The following NRXN2 variants were observed in gnomAD, a reference collection of about 807,000 sequenced individuals.
NRXN2 encodes the protein neurexin-2-beta.
NRXN2 carries 29 observed loss-of-function variants against 128.8 expected under a neutral mutation model. That is an observed-to-expected ratio of 0.23 (90% CI 0.17 to 0.31). The LOEUF is 0.31. Ranked by LOEUF, NRXN2 falls within the 10% of genes least tolerant of loss-of-function variation. The pLI is 1.00. For synonymous variants in NRXN2, 1,098 were observed against 1,075.2 expected (o/e 1.02, Z -0.41); for missense variants, 1,881 against 2,452.6 (o/e 0.77, Z 4.92).
chr11:64,674,322 C>G (rs1349836287), intron 7 of NRXN2, among the ~76,000 whole-genome samples: 1 of 152,136 alleles, frequency 6.6e-6, no homozygotes. Flanking sequence ...TCCCGAGTAG[C>G]TGGGATTACA....
chr11:64,612,852 C>T (rs957462148), intron 22 of NRXN2, among the ~76,000 whole-genome samples: 7 of 152,250 alleles, frequency 4.6e-5, no homozygotes, highest in Non-Finnish European at 7.3e-5. Flanking sequence ...TCTATGCGGA[C>T]GTGACCCTGT....
At position 64,631,900 on chromosome 11, in the gene NRXN2, C is replaced by A. The variant is rs2043963583; in HGVS notation, c.3586-1327G>T. On this transcript the variant is annotated intron_variant, in intron 18 of 22. Transcript: ENST00000265459. The surrounding 1 kb of genome is among the most constrained non-coding windows in gnomAD (Gnocchi z 4.8). Reference sequence around the variant, plus strand: ...GAACGCGGTCTCAGCCCTCCTCCCACACGGAACAGACACTCACACAGGTTC... The same window carrying A: ...GAACGCGGTCTCAGCCCTCCTCCCAAACGGAACAGACACTCACACAGGTTC... Among the ~76,000 whole-genome samples the A allele has an allele frequency of 6.6e-6, 1 of 152,228 alleles. No homozygotes were observed. Among genetic ancestry groups the A allele is most frequent in the African/African-American group, 2.4e-5 (1 of 41,452 alleles).
chr11:64,654,256 C>T (rs1160207293), intron 11 of NRXN2, among the ~76,000 whole-genome samples: 6 of 152,176 alleles, frequency 3.9e-5, no homozygotes, highest in Non-Finnish European at 7.4e-5. Flanking sequence ...TTCCCGAGGC[C>T]ATACACCTCC....
rs1186215132 is a variant in NRXN2, at chr11:64,621,295, C to T, written c.4174-923G>A. ...GCAGTGACTCCTGGGACTCCCACCT[C>T]TCTCTTCCACCAGGATGATCTGCCC... On this transcript the variant is annotated intron_variant, in intron 21 of 22. Coordinates refer to ENST00000265459, the MANE Select transcript of NRXN2 (RefSeq NM_015080.4). 2.0e-5 allele frequency among the ~76,000 whole-genome samples: 3 copies of T among 152,178 alleles called. No homozygotes were observed. In the East Asian group the frequency reaches 5.8e-4, roughly 29 times the overall value.
At chr11:64,685,986 T>C in intron 5 of NRXN2, 39 bp from the exon 6 acceptor site, 1 of 1,610,970 alleles carries the variant, frequency 6.2e-7, no homozygotes, top group Non-Finnish European at 8.5e-7. Context: ...GAAGGCTGAA[T>C]GGGGCAGGGT....
chr11:64,638,614 C>G (rs1245563214), intron 17 of NRXN2, among the ~76,000 whole-genome samples: 1 of 152,226 alleles, frequency 6.6e-6, no homozygotes, highest in Non-Finnish European at 1.5e-5. Flanking sequence ...ACCTGACAGG[C>G]TCCAGAAAGG....
At chr11:64,674,090 G>A (rs899175965) in intron 7 of NRXN2, among the ~76,000 whole-genome samples, 2 of 151,516 alleles carry the variant, frequency 1.3e-5, no homozygotes, top group African/African-American at 4.8e-5. Context: ...TGTCACCCAG[G>A]CTAGTCTTGA....
chr11:64,616,229 C>T (rs1173912277), intron 22 of NRXN2, among the ~76,000 whole-genome samples: 2 of 152,144 alleles, frequency 1.3e-5, no homozygotes, highest in African/African-American at 4.8e-5. Flanking sequence ...GGGTTGGACA[C>T]ACATGTTGGT....
intron 3 of NRXN2, among the ~76,000 whole-genome samples, chr11:64,696,528 T>TACATACACACAC (rs147882738): frequency 7.2e-6 from 1 of 138,772 alleles, no homozygotes; most frequent in Non-Finnish European, 1.6e-5. Context: ...CATACATACA[T>TACATACACACAC]ACACACACAC....
chr11:64,689,363 C>T (rs940709440), intron 5 of NRXN2, among the ~76,000 whole-genome samples: 1 of 152,114 alleles, frequency 6.6e-6, no homozygotes, highest in Non-Finnish European at 1.5e-5. Flanking sequence ...AGCCACCGTG[C>T]CTGGCCTCAA....
chr11:64,694,358 G>A (rs2054216987), intron 3 of NRXN2, among the ~76,000 whole-genome samples: 1 of 152,240 alleles, frequency 6.6e-6, no homozygotes, highest in Admixed American at 6.5e-5. Flanking sequence ...CAAGGTTAAA[G>A]AGTTACAAGT....
intron 17 of NRXN2, among the ~76,000 whole-genome samples, chr11:64,639,179 G>A (rs1332249265): frequency 6.6e-6 from 1 of 152,160 alleles, no homozygotes; most frequent in Non-Finnish European, 1.5e-5. Flanking sequence ...CATGGCCCTA[G>A]TGCTCGCAGC....
chr11:64,641,956 G>T (rs1018512230), intron 17 of NRXN2, among the ~76,000 whole-genome samples: 1 of 152,034 alleles, frequency 6.6e-6, no homozygotes, highest in Non-Finnish European at 1.5e-5. Context: ...CATGGGAAAA[G>T]AAAGGAAGGT....
intron 3 of NRXN2, 133 bp from the exon 4 acceptor site, chr11:64,693,009 CA>C: frequency 1.3e-6 from 1 of 794,588 alleles, no homozygotes; most frequent in African/African-American, 1.8e-5. Flanking sequence ...CTTTTGCTGC[CA>C]CAATTTAAAA....
intron 6 of NRXN2, among the ~76,000 whole-genome samples, chr11:64,680,816 C>T (rs2052134381): frequency 6.6e-6 from 1 of 152,020 alleles, no homozygotes. Context: ...GTGAATTAGG[C>T]TCAGGCACAG....
At chr11:64,616,561 C>T (rs1297548676) in intron 22 of NRXN2, among the ~76,000 whole-genome samples, 2 of 152,146 alleles carry the variant, frequency 1.3e-5, no homozygotes, top group Non-Finnish European at 2.9e-5. Flanking sequence ...GATGTATAAT[C>T]TGTGAGTCCG....
At chr11:64,658,649 C>T (rs1241893935) in intron 11 of NRXN2, among the ~76,000 whole-genome samples, 1 of 152,252 alleles carries the variant, frequency 6.6e-6, no homozygotes, top group Non-Finnish European at 1.5e-5. Context: ...ATTTACAAGG[C>T]AATGGGTTCC....
rs1404562824 is a variant in NRXN2 at position 64,722,960 on chromosome 11, C to G, written c.-245+11G>C. 3.6e-5 allele frequency: 5 copies of G among 138,572 alleles called. No individual in the cohort carries two copies. The highest frequency in any genetic ancestry group is 2.2e-4 in the East Asian group (1 of 4,644). 8.6% of individuals were successfully genotyped at this position (138,572 alleles called of 1,614,324 possible). On this transcript the variant is annotated intron_variant, in intron 1 of 22. Transcript: ENST00000265459. ...CGTCTCCGCCGCAGCGCCCCCCCCC[C>G]CCCATTTTACCTGGTTCTCGGGGCG...
At position 64,685,587 on chromosome 11, in the gene NRXN2, C is replaced by T. The variant is rs2052918233; in HGVS notation, c.1152+59G>A. On this transcript the variant is annotated intron_variant, in intron 6 of 22. Transcript: ENST00000265459. ...CACAAGCTCCCGGCAGCCCCCTCTC[C>T]CAACCCCCATTCTACCCCAGGTATA... The T allele has an allele frequency of 1.9e-6, 3 of 1,610,366 alleles. No homozygotes were observed. The South Asian group carries it at 3.3e-5, about 18-fold the overall frequency.
Sources: gnomAD v4.1 joint callset for allele counts (sites outside exome capture counted in the v4.1 genomes callset) on GRCh38, gnomAD v4.1.1 for gene constraint, Gnocchi (gnomAD v3.1) non-coding constraint, MANE v1.5 for transcripts, NCBI Gene and HGNC (gene_info 2026-07-23, HGNC 2026-07-21) for gene names.